Variants in USP53 observed in about 807,000 individuals in gnomAD.
The protein encoded by USP53 is ubiquitin carboxyl-terminal hydrolase 53.
In USP53, 71 loss-of-function variants were observed where a neutral mutation model predicts 94.9. The ratio of observed to expected loss-of-function variants is 0.75; its 90% CI spans 0.62 to 0.91. The LOEUF is 0.91. Among genes scored for constraint, USP53 ranks in the 40% least tolerant of loss-of-function variants. The probability of loss-of-function intolerance (pLI) is 0.00; values close to 1 mark genes in which losing one functional copy is unlikely to be tolerated. For synonymous variants in USP53, 375 were observed against 422.7 expected, an observed-to-expected ratio of 0.89 and a Z score of 1.39; for missense variants, 1,173 against 1,281.0, an observed-to-expected ratio of 0.92 and a Z score of 1.29.
intron 6 of USP53, among the ~76,000 whole-genome samples, chr4:119,248,366 T>TG (rs1197479230): frequency 7.5e-6 from 1 of 133,112 alleles, no homozygotes; most frequent in Non-Finnish European, 1.6e-5. Context: ...TAGAGGCTGG[T>TG]GCAAACATTT....
At chr4:119,238,494 CTT>C (rs1241266915) in intron 4 of USP53, among the ~76,000 whole-genome samples, 1 of 152,086 alleles carries the variant, frequency 6.6e-6, no homozygotes, top group East Asian at 1.9e-4. Context: ...TCAAAGATAA[CTT>C]ATCACAGATC....
chr4:119,250,260 A>G (rs757926857), intron 7 of USP53, among the ~76,000 whole-genome samples: 8 of 152,206 alleles, frequency 5.3e-5, no homozygotes, highest in Non-Finnish European at 1.0e-4. Flanking sequence ...TTAAAAATCT[A>G]TCATTTTGTC....
intron 3 of USP53, among the ~76,000 whole-genome samples, chr4:119,227,299 A>ACACACACACACACACACACACACACC (rs1491380548): frequency 6.9e-6 from 1 of 145,714 alleles, no homozygotes; most frequent in African/African-American, 2.5e-5. Flanking sequence ...ACACACACAC[A>ACACACACACACACACACACACACACC]AACTTGAAAT....
chr4:119,237,554 TAA>T (rs1171856012), intron 4 of USP53, among the ~76,000 whole-genome samples: 1 of 136,224 alleles, frequency 7.3e-6, no homozygotes, highest in African/African-American at 2.6e-5. Context: ...AAAAAATAAT[TAA>T]AAAAAAAAAA....
At chr4:119,287,423 T>C (rs1754237496) in intron 17 of USP53, among the ~76,000 whole-genome samples, 1 of 152,120 alleles carries the variant, frequency 6.6e-6, no homozygotes, top group African/African-American at 2.4e-5. Flanking sequence ...AAGATTTAAC[T>C]TGCAGAGCCT....
intron 7 of USP53, 22 bp downstream of exon 7, chr4:119,248,904 T>C (rs370966955): frequency 1.8e-4 from 298 of 1,613,072 alleles, no homozygotes; most frequent in Non-Finnish European, 2.4e-4. Context: ...TGATATTCCT[T>C]AAGAAGTCAG....
chr4:119,266,310 G>C lies in USP53; in HGVS notation c.973-1010G>C, dbSNP rs781383848. On this transcript the variant is annotated intron_variant, in intron 12 of 18. Transcript: ENST00000692078. ...TTCCGTTGCTGTTAGATAATACCTTGAAGTGGGATTTCTGGGTTGTGTGGT... is the reference window on the plus strand; with the variant it reads ...TTCCGTTGCTGTTAGATAATACCTTCAAGTGGGATTTCTGGGTTGTGTGGT... The C allele has an allele frequency of 1.8e-4, 83 of 456,014 alleles. 1 individual carries two copies. The highest frequency in any genetic ancestry group is 1.1e-3 in the South Asian group (69 of 64,556). 28.2% of individuals were successfully genotyped at this position (456,014 alleles called of 1,614,324 possible). A position where few individuals can be genotyped will look rare whatever the true frequency, so the allele number is the denominator to read the frequency against.
At chr4:119,215,788 C>G (rs370113362) in intron 2 of USP53, among the ~76,000 whole-genome samples, 1 of 152,068 alleles carries the variant, frequency 6.6e-6, no homozygotes, top group African/African-American at 2.4e-5. Flanking sequence ...AGAAGAGTTG[C>G]TTCATATACT....
At chr4:119,254,159 T>G (rs971290912) in intron 7 of USP53, among the ~76,000 whole-genome samples, 1 of 152,238 alleles carries the variant, frequency 6.6e-6, no homozygotes, top group African/African-American at 2.4e-5. Context: ...CATTTTTTCC[T>G]GCATTTCAAT....
At chr4:119,255,020 C>G (rs1749560506) in intron 7 of USP53, among the ~76,000 whole-genome samples, 1 of 152,198 alleles carries the variant, frequency 6.6e-6, no homozygotes. Context: ...GAGGTCCACT[C>G]CAGACCCTGT....
At chr4:119,287,689 G>A (rs1163312379) in intron 17 of USP53, among the ~76,000 whole-genome samples, 2 of 152,162 alleles carry the variant, frequency 1.3e-5, no homozygotes, top group Non-Finnish European at 2.9e-5. Context: ...TTACAGAAGT[G>A]TAGACGATTA....
chr4:119,291,272 T>G lies in USP53; in HGVS notation c.2348+11T>G, dbSNP rs770870979. 1 of 1,452,688 alleles carries G rather than the reference T, an allele frequency of 6.9e-7. No homozygotes were observed. Among genetic ancestry groups the G allele is most frequent in the East Asian group, 2.5e-5 (1 of 40,386 alleles). The allele number at this position is 1,452,688 out of a possible 1,614,324, so 90.0% of individuals were successfully genotyped here. On this transcript the variant is annotated intron_variant, in intron 18 of 18. Coordinates refer to ENST00000692078, the MANE Select transcript of USP53 (RefSeq NM_001371395.1). ...TCATTTGATAAAAAGGTAACCATATTTTTTTTCCCTAAATACATGTATTAT... is the reference window on the plus strand; with the variant it reads ...TCATTTGATAAAAAGGTAACCATATGTTTTTTCCCTAAATACATGTATTAT...
intron 3 of USP53, chr4:119,218,198 T>TCTC (rs1279092493): frequency 2.0e-5 from 3 of 152,186 alleles, no homozygotes; most frequent in African/African-American, 7.2e-5. Flanking sequence ...ACTGGAAAGA[T>TCTC]AAAGTTGCCA....
At chr4:119,273,356 C>A in intron 16 of USP53, 2 of 206,120 alleles carry the variant, frequency 9.7e-6, no homozygotes, top group Non-Finnish European at 1.9e-5. Flanking sequence ...TTTTATAATT[C>A]TTCTTGGAAT....
At position 119,222,609 on chromosome 4, in the gene USP53, C is replaced by T. The variant is rs544929280; in HGVS notation, c.-665+4936C>T. Among the ~76,000 whole-genome samples, 12 of 152,244 alleles carry T rather than the reference C, an allele frequency of 7.9e-5. No individual in the cohort carries two copies. In the East Asian group the frequency reaches 1.5e-3, roughly 20 times the overall value. On this transcript the variant is annotated intron_variant, in intron 3 of 18. Coordinates refer to ENST00000692078, the MANE Select transcript of USP53 (RefSeq NM_001371395.1). ...TAATATCCTTCACTTCCATCCATGT[C>T]GTTGCAACTGACTGGATTTCATTCT...
At chr4:119,270,320 A>T (rs1046878079) in intron 15 of USP53, among the ~76,000 whole-genome samples, 1 of 151,882 alleles carries the variant, frequency 6.6e-6, no homozygotes. Context: ...GTGGTCTTGA[A>T]CTGCTGGCCT....
At chr4:119,253,811 C>T (rs1408092464) in intron 7 of USP53, among the ~76,000 whole-genome samples, 2 of 152,082 alleles carry the variant, frequency 1.3e-5, no homozygotes, top group Admixed American at 6.6e-5. Flanking sequence ...TTCTTCATAG[C>T]GTCAATGGTC....
intron 7 of USP53, 52 bp from the exon 8 acceptor site, chr4:119,256,194 T>C (rs1749742337): frequency 1.5e-6 from 2 of 1,328,906 alleles, no homozygotes; most frequent in Admixed American, 1.9e-5. Context: ...TATATTTTGC[T>C]GTGTTCCCTG....
intron 17 of USP53, among the ~76,000 whole-genome samples, chr4:119,284,346 G>C (rs941427714): frequency 6.6e-6 from 1 of 151,184 alleles, no homozygotes; most frequent in Non-Finnish European, 1.5e-5. Context: ...CTGGAGAAAG[G>C]ATATAATATA....
Sources: allele counts gnomAD v4.1 joint callset (sites outside exome capture counted in the v4.1 genomes callset), GRCh38; gene constraint gnomAD v4.1.1; transcripts MANE v1.5; gene names NCBI Gene and HGNC (gene_info 2026-07-23, HGNC 2026-07-21).